MYOM1: variants seen among roughly 807,000 people sequenced by gnomAD.
MYOM1 encodes the protein myomesin-1.
Under a neutral mutation model 205.3 loss-of-function variants are expected in MYOM1, and 164 were observed. The observed-to-expected ratio is 0.80, with a 90% CI of 0.70 to 0.91. The LOEUF (loss-of-function observed/expected upper bound fraction) is 0.91, where lower values mean the gene tolerates loss of function less well. Among genes scored for constraint, MYOM1 ranks in the 40% least tolerant of loss-of-function variants. The pLI, the probability that MYOM1 is intolerant of heterozygous loss-of-function variation, is 0.00. For missense variants in MYOM1, 2,011 were observed against 2,127.3 expected (o/e 0.95, Z 1.08); for synonymous variants, 772 against 789.4 (o/e 0.98, Z 0.37).
chr18:3,151,396 G>A (rs143446281), intron 12 of MYOM1, among the ~76,000 whole-genome samples: 2 of 150,526 alleles, frequency 1.3e-5, no homozygotes, highest in East Asian at 3.9e-4. Flanking sequence ...CACACACAAT[G>A]CCTGGAACTC....
chr18:3,126,947 C>A, intron 18 of MYOM1, 50 bp from the exon 19 acceptor site: 1 of 1,502,590 alleles, frequency 6.7e-7, no homozygotes, highest in South Asian at 1.2e-5. Flanking sequence ...ATTTATGATT[C>A]TATATATAAA....
intron 23 of MYOM1, among the ~76,000 whole-genome samples, chr18:3,100,900 A>G (rs2079366512): frequency 6.6e-6 from 1 of 152,170 alleles, no homozygotes; most frequent in Non-Finnish European, 1.5e-5. Context: ...GCCTTCAGAG[A>G]CAGGAACTGC....
chr18:3,246,977 G>A, the MYOM1 span: 2 of 152,238 alleles, frequency 1.3e-5, no homozygotes, highest in Non-Finnish European at 2.9e-5. Flanking sequence ...ATAGGCCCAA[G>A]TTTTGATTCC....
chr18:3,121,118 A>G (rs1030420808), intron 19 of MYOM1, among the ~76,000 whole-genome samples: 2 of 152,202 alleles, frequency 1.3e-5, no homozygotes, highest in Non-Finnish European at 2.9e-5. Context: ...AGAAAAGTTG[A>G]TTAATAGACA....
In MYOM1 at chr18:3,152,301, C is replaced by G. The variant is rs2080233728; in HGVS notation, c.1644-408G>C. On this transcript the variant is annotated intron_variant, in intron 11 of 37. Coordinates refer to ENST00000356443, the MANE Select transcript of MYOM1 (RefSeq NM_003803.4). This position sits in a 1 kb window ranked among gnomAD's most constrained non-coding sequence, Gnocchi z 4.3. ...TTCTTTAGGTATTTTCTTTGAAAAA[C>G]AGAGGTATTATTGAGAAAATTGGCG... Among the ~76,000 whole-genome samples the G allele has an allele frequency of 6.6e-6, 1 of 152,190 alleles. No individual in the cohort carries two copies. The highest frequency in any genetic ancestry group is 2.1e-4 in the South Asian group (1 of 4,832).
At position 3,139,365 on chromosome 18, in the gene MYOM1, A is replaced by C. The variant is rs1005485485; in HGVS notation, c.2025+2574T>G. 7.2e-5 allele frequency among the ~76,000 whole-genome samples: 11 copies of C among 152,190 alleles called. No homozygotes were observed. In the South Asian group the frequency reaches 8.3e-4, roughly 11 times the overall value. On this transcript the variant is annotated intron_variant, in intron 14 of 37. Coordinates refer to ENST00000356443, the MANE Select transcript of MYOM1 (RefSeq NM_003803.4). ...AAAAGTTTGGGTGTAAAAAGAACAC[A>C]GTAGGATGGGGAGGCTGGAAGTGCC... is the stretch of plus-strand genomic sequence containing the variant.
chr18:3,092,892 G>A (rs892623444), intron 26 of MYOM1, among the ~76,000 whole-genome samples: 1 of 152,194 alleles, frequency 6.6e-6, no homozygotes, highest in African/African-American at 2.4e-5. Context: ...ATGTATGCAC[G>A]CTTGAACACG....
chr18:3,098,908 C>T (rs73936914), intron 25 of MYOM1, among the ~76,000 whole-genome samples: 3 of 152,272 alleles, frequency 2.0e-5, no homozygotes, highest in South Asian at 4.1e-4. Context: ...GCCCTACAGT[C>T]GTGTCTCATG....
At chr18:3,107,860 C>G (rs1437765030) in intron 22 of MYOM1, among the ~76,000 whole-genome samples, 1 of 152,178 alleles carries the variant, frequency 6.6e-6, no homozygotes, top group Non-Finnish European at 1.5e-5. Context: ...ATAGTCCTCT[C>G]TGTTCAGGGG....
chr18:3,115,003 G>T (rs564741485), intron 21 of MYOM1, among the ~76,000 whole-genome samples: 55 of 151,298 alleles, frequency 3.6e-4, no homozygotes, highest in African/African-American at 1.1e-3. Context: ...CTTCACCCTA[G>T]TCAGTTCAAA....
chr18:3,127,463 C>T (rs1011365703), intron 18 of MYOM1, among the ~76,000 whole-genome samples: 1 of 151,608 alleles, frequency 6.6e-6, no homozygotes, highest in African/African-American at 2.4e-5. Flanking sequence ...TGTGCACCAC[C>T]ATGCCCGGCT....
chr18:3,103,821 C>T (rs2079414734), intron 22 of MYOM1, among the ~76,000 whole-genome samples: 1 of 152,220 alleles, frequency 6.6e-6, no homozygotes, highest in Admixed American at 6.5e-5. Context: ...GCAGGATGAT[C>T]TTGGTTCCTG....
At position 3,075,086 on chromosome 18, in the gene MYOM1, T is replaced by C. The variant is rs117599416; in HGVS notation, c.4708+368A>G. Among the ~76,000 whole-genome samples the C allele has an allele frequency of 2.4e-4, 36 of 152,332 alleles. No homozygotes were observed. In the East Asian group the frequency reaches 6.9e-3, roughly 29 times the overall value. On this transcript the variant is annotated intron_variant, in intron 36 of 37. Coordinates refer to ENST00000356443, the MANE Select transcript of MYOM1 (RefSeq NM_003803.4). The stretch of plus-strand genomic sequence containing the variant: ...CTAGGATTGCAGGCGTGAGCCACCA[T>C]GCCTGGCCCTTACAATGTTTCTTGT...
rs773504199 is a variant in MYOM1 at position 3,154,988 on chromosome 18, A to G, written c.1602T>C (p.Ala534=). 2.5e-6 allele frequency: 4 copies of G among 1,613,056 alleles called. No individual in the cohort carries two copies. The highest frequency in any genetic ancestry group is 3.4e-6 in the Non-Finnish European group (4 of 1,179,554). ...CGAGAATAGGACTCCCTCCATCGAC[A>G]GCTGGCTGTTTCCAGGAGATGATGA... ...DYIIISWKQP[A]VDGGSPILGY... is the part of the protein sequence containing the mutation. The change falls in exon 11 of 38, where the codon GCT becomes GCC. Residue 534 remains alanine, a synonymous_variant. Coordinates refer to ENST00000356443, the MANE Select transcript of MYOM1 (RefSeq NM_003803.4).
Position 3,089,573 on chromosome 18 carries a change from C to T in MYOM1, c.4033G>A (p.Ala1345Thr). Reference protein sequence around the residue: ...GDVFKKLQKEAEFQRQEWIRK... With the variant: ...GDVFKKLQKETEFQRQEWIRK... ...ATCCATTCTTGCCGCTGGAATTCAG[C>T]TTCTTTCTGGAGCTTTTTGAAAACT... The change falls in exon 28 of 38, where the codon GCT (alanine) becomes ACT (threonine). Residue 1345 changes from alanine to threonine, a missense_variant. Ala to Thr is a moderately conservative substitution (Grantham distance 58). Transcript: ENST00000356443. 1 of 1,609,048 alleles carries T rather than the reference C, an allele frequency of 6.2e-7. No individual in the cohort carries two copies. Among genetic ancestry groups the T allele is most frequent in the East Asian group, 2.2e-5 (1 of 44,764 alleles).
intron 10 of MYOM1, among the ~76,000 whole-genome samples, chr18:3,162,194 T>C (rs534697580): frequency 1.5e-4 from 23 of 152,334 alleles, no homozygotes; most frequent in African/African-American, 5.5e-4. Context: ...CCTGCCTTCC[T>C]GAGGCGAGCC....
chr18:3,246,223 C>G, the MYOM1 span: 15 of 152,230 alleles, frequency 9.9e-5, no homozygotes, highest in Admixed American at 9.8e-4. Flanking sequence ...GTGGAGGTGT[C>G]CATGCATTGC....
chr18:3,134,955 A>AT (rs368505930), intron 15 of MYOM1, 131 bp from the exon 16 acceptor site: 22,114 of 697,008 alleles, frequency 0.032, 13 homozygotes, highest in East Asian at 0.054. Context: ...TTATTTTACG[A>AT]TTTTTTTTTT....
At chr18:3,083,592 CTCA>C in intron 33 of MYOM1, among the ~76,000 whole-genome samples, 194 bp downstream of exon 33, 1 of 96,462 alleles carries the variant, frequency 1.0e-5, no homozygotes, top group Non-Finnish European at 2.1e-5. Context: ...CTGCGCCCAG[CTCA>C]TTTTTTTTTT....
Sources: allele counts gnomAD v4.1 joint callset (sites outside exome capture counted in the v4.1 genomes callset), GRCh38; gene constraint gnomAD v4.1.1; non-coding constraint Gnocchi (gnomAD v3.1); transcripts MANE v1.5; gene names NCBI Gene and HGNC (gene_info 2026-07-23, HGNC 2026-07-21).